Variants in N4BP2L2 observed in about 807,000 individuals in gnomAD.
N4BP2L2 encodes the protein NEDD4 binding protein 2 like 2, also known as NEDD4-binding protein 2-like 2.
A neutral mutation model predicts 56.2 loss-of-function variants in N4BP2L2; 50 were observed. The ratio of observed to expected loss-of-function variants is 0.89; its 90% CI spans 0.71 to 1.13. The LOEUF (loss-of-function observed/expected upper bound fraction) is 1.13, where lower values mean the gene tolerates loss of function less well. Among genes scored for constraint, N4BP2L2 ranks in the 50% most tolerant of loss-of-function variants. The pLI is 0.00. For synonymous variants in N4BP2L2, 203 were observed against 223.6 expected (o/e 0.91, Z 0.82); for missense variants, 689 against 693.8 (o/e 0.99, Z 0.08).
At chr13:32,470,351 G>A (rs1229228757) in intron 6 of N4BP2L2, among the ~76,000 whole-genome samples, 5 of 152,160 alleles carry the variant, frequency 3.3e-5, no homozygotes, top group Non-Finnish European at 7.4e-5. Flanking sequence ...AGGTTTAAAA[G>A]CGGGAATGCC....
chr13:32,472,671 AGAAAGG>A (rs2082537837), intron 6 of N4BP2L2, among the ~76,000 whole-genome samples: 2 of 152,224 alleles, frequency 1.3e-5, no homozygotes, highest in South Asian at 2.1e-4. Context: ...ATCAAGCTCC[AGAAAGG>A]TCACACCCGT....
At chr13:32,441,888 AAAATAAAT>A (rs201117316) in intron 7 of N4BP2L2, among the ~76,000 whole-genome samples, 2,048 of 138,880 alleles carry the variant, frequency 0.015, 25 homozygotes, top group South Asian at 0.045. Flanking sequence ...CTAAAAATAC[AAAATAAAT>A]AAATAAATAA....
At chr13:32,481,520 G>A (rs73173020) in intron 6 of N4BP2L2, among the ~76,000 whole-genome samples, 175 of 152,254 alleles carry the variant, frequency 1.1e-3, no homozygotes, top group Non-Finnish European at 2.3e-3. Flanking sequence ...AGACTTCAGA[G>A]GATCTTTGAA....
chr13:32,447,660 T>C (rs2077244242), intron 6 of N4BP2L2, among the ~76,000 whole-genome samples: 1 of 152,112 alleles, frequency 6.6e-6, no homozygotes, highest in Non-Finnish European at 1.5e-5. Context: ...AATAGGCTAA[T>C]CTGTCATTAA....
chr13:32,518,133 C>T (rs2139932207), intron 5 of N4BP2L2, 130 bp from the exon 6 acceptor site: 1 of 837,952 alleles, frequency 1.2e-6, no homozygotes, highest in Non-Finnish European at 1.7e-6. Flanking sequence ...TTTCATCTGT[C>T]CACATTTTAT....
intron 6 of N4BP2L2, among the ~76,000 whole-genome samples, chr13:32,493,971 A>T (rs2087823005): frequency 6.6e-6 from 1 of 152,148 alleles, no homozygotes; most frequent in East Asian, 1.9e-4. Context: ...CGCTTTCCTC[A>T]TCTATAAAAT....
At chr13:32,519,905 A>T (rs1053566515) in intron 5 of N4BP2L2, among the ~76,000 whole-genome samples, 1 of 152,226 alleles carries the variant, frequency 6.6e-6, no homozygotes, top group African/African-American at 2.4e-5. Flanking sequence ...ATGAAGCCAT[A>T]ACTGCATAGC....
chr13:32,494,913 C>T (rs2088179110), intron 6 of N4BP2L2, among the ~76,000 whole-genome samples: 1 of 150,998 alleles, frequency 6.6e-6, no homozygotes, highest in African/African-American at 2.4e-5. Context: ...CTCCCACCTC[C>T]TCTGCACAAG....
rs938266576 is a variant in N4BP2L2, at chr13:32,495,984, G to A, written c.365+21873C>T. On this transcript the variant is annotated intron_variant, in intron 6 of 9. Transcript: ENST00000357505. ...AGGCATGAACCACCCCACCCCGCCGGTGCCTTTTGACTCCGAGGCTGTGAC... is the reference window on the plus strand; with the variant it reads ...AGGCATGAACCACCCCACCCCGCCGATGCCTTTTGACTCCGAGGCTGTGAC... Among the ~76,000 whole-genome samples the A allele has an allele frequency of 2.6e-5, 4 of 151,938 alleles. 1 individual carries two copies. Among genetic ancestry groups the A allele is most frequent in the Non-Finnish European group, 5.9e-5 (4 of 67,974 alleles).
chr13:32,487,398 C>A lies in N4BP2L2; in HGVS notation c.365+30459G>T, dbSNP rs145947526. 3.8e-3 allele frequency among the ~76,000 whole-genome samples: 577 copies of A among 151,036 alleles called. 3 individuals carry two copies. Among genetic ancestry groups the A allele is most frequent in the Admixed American group, 6.0e-3 (91 of 15,158 alleles). ...GGCAGAGGTAGAAGGATCACCTGAG[C>A]CCAGGGAGGTTGAGGCTGCAATGAG... On this transcript the variant is annotated intron_variant, in intron 6 of 9. Coordinates refer to the N4BP2L2 transcript ENST00000357505.
intron 6 of N4BP2L2, among the ~76,000 whole-genome samples, chr13:32,460,964 T>C (rs1264991639): frequency 2.0e-5 from 3 of 152,128 alleles, no homozygotes; most frequent in Admixed American, 6.6e-5. Flanking sequence ...ATCCATGTAT[T>C]TACAGCCAAA....
At chr13:32,439,610 T>C (rs1370444854) in intron 7 of N4BP2L2, among the ~76,000 whole-genome samples, 3 of 152,090 alleles carry the variant, frequency 2.0e-5, no homozygotes, top group African/African-American at 7.2e-5. Context: ...TGGACTACGA[T>C]CTCAGAACTA....
At chr13:32,534,358 C>A (rs1229148134) in intron 2 of N4BP2L2, among the ~76,000 whole-genome samples, 1 of 152,144 alleles carries the variant, frequency 6.6e-6, no homozygotes, top group Non-Finnish European at 1.5e-5. Context: ...TGTCTCAAAT[C>A]TAACTTTTCT....
chr13:32,538,687 G>A (rs1326363959), exon 1 of N4BP2L2: 2 of 985,344 alleles, frequency 2.0e-6, no homozygotes, highest in East Asian at 1.1e-4. Context: ...ACGAACCTCT[G>A]TGAAGGTGAA....
At chr13:32,522,243 G>A in exon 4 of N4BP2L2, 1 of 1,549,406 alleles carries the variant, frequency 6.5e-7, no homozygotes, top group Non-Finnish European at 8.7e-7. Flanking sequence ...TATAACTGGA[G>A]ATCTTCCCTG....
intron 6 of N4BP2L2, among the ~76,000 whole-genome samples, chr13:32,486,677 A>AAATAATAATAAT (rs561649707): frequency 2.0e-5 from 3 of 151,078 alleles, no homozygotes; most frequent in African/African-American, 7.3e-5. Context: ...CTTCATCTCA[A>AAATAATAATAAT]AATAATAATA....
intron 3 of N4BP2L2, chr13:32,525,183 C>T (rs2052347578): frequency 6.6e-6 from 1 of 152,140 alleles, no homozygotes; most frequent in Non-Finnish European, 1.5e-5. Flanking sequence ...GCTCCCCTTA[C>T]CTTTAGGCCA....
chr13:32,442,627 G>T, exon 7 of N4BP2L2: 1 of 1,613,796 alleles, frequency 6.2e-7, no homozygotes, highest in South Asian at 1.1e-5. Context: ...AATTTCTGGA[G>T]AAATAAACCC....
At position 32,517,596 on chromosome 13, in the gene N4BP2L2, C is replaced by T. The variant is rs927750808; in HGVS notation, c.*206G>A. ...TCCATAACAGCCAAGAGTATTACAA[C>T]AAGAGAATATAAAAACATTTAAAAT... On this transcript the variant is annotated 3_prime_UTR_variant, in exon 6 of 6. Transcript: ENST00000267068. The T allele has an allele frequency of 3.0e-6, 4 of 1,348,592 alleles. No homozygotes were observed. The African/African-American group carries it at 5.9e-5, about 20-fold the overall frequency. 83.5% of individuals were successfully genotyped at this position (1,348,592 alleles called of 1,614,324 possible). A position where few individuals can be genotyped will look rare whatever the true frequency, so the allele number is the denominator to read the frequency against.
Sources: gnomAD v4.1 joint callset for allele counts (sites outside exome capture counted in the v4.1 genomes callset) on GRCh38, gnomAD v4.1.1 for gene constraint, MANE v1.5 for transcripts, NCBI Gene and HGNC (gene_info 2026-07-23, HGNC 2026-07-21) for gene names.